RPA1: variants seen among roughly 807,000 people sequenced by gnomAD.
RPA1 encodes replication protein A1.
A neutral mutation model predicts 83.0 loss-of-function variants in RPA1; 49 were observed. That is an observed-to-expected ratio of 0.59 (90% CI 0.47 to 0.75). The LOEUF is 0.75. Ranked by LOEUF, RPA1 falls within the 30% of genes least tolerant of loss-of-function variation. The pLI is 0.00. For synonymous variants in RPA1, 279 were observed against 281.8 expected (o/e 0.99, Z 0.10); for missense variants, 693 against 776.1 (o/e 0.89, Z 1.27).
At chr17:1,853,229 A>C (rs776952311) in intron 5 of RPA1, 40 bp downstream of exon 5, 4 of 1,398,582 alleles carry the variant, frequency 2.9e-6, no homozygotes, top group Non-Finnish European at 4.1e-6. Context: ...TCAAATGAAT[A>C]CCTCTTTATA....
chr17:1,831,760 G>C (rs1247604493), intron 1 of RPA1, among the ~76,000 whole-genome samples: 2 of 151,298 alleles, frequency 1.3e-5, no homozygotes, highest in African/African-American at 4.9e-5. Flanking sequence ...CACCACGCCC[G>C]GCTAATTTTT....
Position 1,872,475 on chromosome 17 carries a change from A to T in RPA1, c.403A>T (p.Ser135Cys), listed in dbSNP as rs1187304739. The T allele has an allele frequency of 1.9e-6, 3 of 1,613,938 alleles. No homozygotes were observed. Among genetic ancestry groups the T allele is most frequent in the Non-Finnish European group, 2.5e-6 (3 of 1,180,002 alleles). Residue 135 changes from serine to cysteine, a missense_variant, in exon 6 of 17, where the codon AGC becomes TGC. Coordinates refer to ENST00000254719, the MANE Select transcript of RPA1 (RefSeq NM_002945.5). ...PQVAPPAPAASPAASSRPQPQ... is the reference protein window; with the variant it reads ...PQVAPPAPAACPAASSRPQPQ... ...AGTAGCTCCTCCAGCGCCAGCAGCC[A>T]GCCCAGCAGCAAGCAGCAGGCCCCA...
rs200760552 is a variant in RPA1, at chr17:1,895,018, G to A, written c.1669G>A (p.Ala557Thr). ...ATGTTTGTTTTTGCAGAATGAACAG[G>A]CATTTGAAGAAGTTTTCCAGAATGC... ...LGELKDKNEQ[A>T]FEEVFQNANF... is the part of the protein sequence containing the mutation. Residue 557 changes from alanine (A) to threonine (T), a missense_variant, in exon 16 of 17, where the codon GCA becomes ACA. Coordinates refer to ENST00000254719, the MANE Select transcript of RPA1 (RefSeq NM_002945.5). 9.9e-6 allele frequency: 16 copies of A among 1,612,994 alleles called. No homozygotes were observed. Among genetic ancestry groups the A allele is most frequent in the South Asian group, 1.1e-5 (1 of 90,978 alleles).
intron 1 of RPA1, among the ~76,000 whole-genome samples, chr17:1,834,303 C>T (rs1173155732): frequency 5.3e-5 from 8 of 152,258 alleles, no homozygotes; most frequent in East Asian, 3.9e-4. Flanking sequence ...GCGATCCTCT[C>T]GCCTCAGCTT....
intron 1 of RPA1, chr17:1,830,779 C>CT (rs397760616): frequency 8.1e-5 from 3 of 36,828 alleles, no homozygotes; most frequent in Non-Finnish European, 2.5e-4. Context: ...CTTTTTTTTT[C>CT]TCCAGCCTGG....
At chr17:1,834,052 T>C (rs776922525) in intron 1 of RPA1, among the ~76,000 whole-genome samples, 5 of 152,102 alleles carry the variant, frequency 3.3e-5, no homozygotes, top group Admixed American at 6.6e-5. Context: ...TGTTGGCGTG[T>C]GCCTGTAATC....
At chr17:1,847,724 A>G (rs986240633) in intron 4 of RPA1, among the ~76,000 whole-genome samples, 7 of 152,220 alleles carry the variant, frequency 4.6e-5, no homozygotes, top group African/African-American at 1.4e-4. Flanking sequence ...TAAATGTTAT[A>G]TAAGAGTATC....
intron 5 of RPA1, among the ~76,000 whole-genome samples, chr17:1,861,695 C>T (rs1197163991): frequency 6.6e-6 from 1 of 151,688 alleles, no homozygotes; most frequent in Non-Finnish European, 1.5e-5. Context: ...ATTAACTTCA[C>T]GCTATGGGAG....
intron 12 of RPA1, among the ~76,000 whole-genome samples, chr17:1,881,254 A>G (rs771804154): frequency 6.6e-6 from 1 of 152,208 alleles, no homozygotes; most frequent in Non-Finnish European, 1.5e-5. Context: ...TTAAAAGAGT[A>G]CTTCAAACTG....
chr17:1,895,353 T>TC (rs1567831394), intron 16 of RPA1, among the ~76,000 whole-genome samples: 8 of 151,660 alleles, frequency 5.3e-5, no homozygotes, highest in Non-Finnish European at 1.2e-4. Context: ...TTTTTATTTT[T>TC]ATTTTTTTTC....
At chr17:1,831,363 A>G (rs532184113) in intron 1 of RPA1, among the ~76,000 whole-genome samples, 2 of 152,152 alleles carry the variant, frequency 1.3e-5, no homozygotes, top group East Asian at 3.9e-4. Context: ...TCCCTCACGA[A>G]GTGAAGTGTA....
chr17:1,862,987 G>A (rs1913041759), intron 5 of RPA1, among the ~76,000 whole-genome samples: 1 of 151,186 alleles, frequency 6.6e-6, no homozygotes, highest in South Asian at 2.1e-4. Flanking sequence ...CAAAGTGTTG[G>A]GATTACAGGC....
At chr17:1,842,679 A>G (rs1912098358) in intron 1 of RPA1, 124 bp from the exon 2 acceptor site, 2 of 744,226 alleles carry the variant, frequency 2.7e-6, no homozygotes, top group Non-Finnish European at 4.6e-6. Flanking sequence ...GCTTCAGCTG[A>G]CAGGCTCTGA....
At chr17:1,882,428 G>T (rs1263720235) in intron 12 of RPA1, among the ~76,000 whole-genome samples, 1 of 152,086 alleles carries the variant, frequency 6.6e-6, no homozygotes, top group Non-Finnish European at 1.5e-5. Flanking sequence ...GGCCGAGGTG[G>T]ACAATTGCTT....
intron 4 of RPA1, among the ~76,000 whole-genome samples, chr17:1,851,366 G>C (rs1030661430): frequency 1.3e-5 from 2 of 152,118 alleles, no homozygotes; most frequent in Admixed American, 6.6e-5. Context: ...AAGTCTCTCT[G>C]AATCTGTAGG....
chr17:1,855,141 G>T (rs1468761022), intron 5 of RPA1, among the ~76,000 whole-genome samples: 5 of 151,942 alleles, frequency 3.3e-5, no homozygotes, highest in African/African-American at 1.2e-4. Flanking sequence ...GGTTTTCTTT[G>T]TTAGTTAATA....
At chr17:1,880,776 CAAGCAGAAGCCTTCGT>C in intron 12 of RPA1, 85 bp downstream of exon 12, 1 of 1,547,878 alleles carries the variant, frequency 6.5e-7, no homozygotes, top group Non-Finnish European at 8.8e-7. Flanking sequence ...AGCTTTCTGC[CAAGCAGAAGCCTTCGT>C]CCCTGAGTGG....
intron 1 of RPA1, among the ~76,000 whole-genome samples, chr17:1,837,868 C>T (rs1911882564): frequency 6.6e-6 from 1 of 151,964 alleles, no homozygotes; most frequent in Admixed American, 6.6e-5. Context: ...TGTGACTTGC[C>T]TTTTCTTTTT....
intron 6 of RPA1, among the ~76,000 whole-genome samples, chr17:1,875,022 G>T (rs1913522906): frequency 6.6e-6 from 1 of 152,224 alleles, no homozygotes; most frequent in African/African-American, 2.4e-5. Flanking sequence ...TTCTTTCCCA[G>T]CGCAGGGCAG....
Sources: gnomAD v4.1 joint callset for allele counts (sites outside exome capture counted in the v4.1 genomes callset) on GRCh38, gnomAD v4.1.1 for gene constraint, MANE v1.5 for transcripts, NCBI Gene and HGNC (gene_info 2026-07-23, HGNC 2026-07-21) for gene names.